Variants in MAST2 observed in about 807,000 individuals in gnomAD.
MAST2 encodes the protein microtubule-associated serine/threonine-protein kinase 2.
Under a neutral mutation model 147.4 loss-of-function variants are expected in MAST2, and 70 were observed. The ratio of observed to expected loss-of-function variants is 0.47; its 90% CI spans 0.39 to 0.58. The LOEUF (loss-of-function observed/expected upper bound fraction) is 0.58. Among genes scored for constraint, MAST2 ranks in the 20% least tolerant of loss-of-function variants. MAST2 has a pLI of 0.00. For synonymous variants in MAST2, 869 were observed against 896.8 expected (o/e 0.97, Z 0.55); for missense variants, 2,080 against 2,302.3 (o/e 0.90, Z 1.98).
At chr1:45,845,942 A>G (rs1380690018) in intron 3 of MAST2, among the ~76,000 whole-genome samples, 2 of 152,080 alleles carry the variant, frequency 1.3e-5, no homozygotes, top group African/African-American at 4.8e-5. Flanking sequence ...TTGCATTTTT[A>G]GTAGAGACGG....
At chr1:45,830,962 A>T (rs1437057859) in intron 3 of MAST2, among the ~76,000 whole-genome samples, 1 of 149,218 alleles carries the variant, frequency 6.7e-6, no homozygotes, top group Non-Finnish European at 1.5e-5. Flanking sequence ...CTTGAGCCTG[A>T]GCAGTTGAAG....
chr1:45,821,804 A>G (rs927514692), intron 1 of MAST2, among the ~76,000 whole-genome samples: 1 of 150,232 alleles, frequency 6.7e-6, no homozygotes, highest in Non-Finnish European at 1.5e-5. Flanking sequence ...GGCGTGAGCC[A>G]TGGTGCCCGG....
chr1:45,997,789 C>T lies in MAST2; in HGVS notation c.658C>T (p.Pro220Ser), dbSNP rs370689914. The change falls in exon 6 of 29, where the codon CCT (proline) becomes TCT (serine). Residue 220 changes from proline to serine, a missense_variant. By Grantham distance (74) the Pro-to-Ser change is moderately conservative. Transcript: ENST00000361297. Reference protein sequence around the residue: ...PNAPAHFSFVPARRTDGRRWS... With the variant: ...PNAPAHFSFVSARRTDGRRWS... Reference sequence around the variant, plus strand: ...TGCACCTGCTCACTTTTCTTTTGTTCCTGCCCGTAGGTAAGTTGATAGGAA... The same window carrying T: ...TGCACCTGCTCACTTTTCTTTTGTTTCTGCCCGTAGGTAAGTTGATAGGAA... The T allele has an allele frequency of 5.0e-6, 8 of 1,613,932 alleles. No homozygotes were observed. In the African/African-American group the frequency reaches 6.7e-5, roughly 13 times the overall value.
At chr1:45,881,150 A>G (rs1239348730) in intron 3 of MAST2, among the ~76,000 whole-genome samples, 2 of 152,200 alleles carry the variant, frequency 1.3e-5, no homozygotes. Context: ...AACTTTTTCT[A>G]CATGCGCACT....
chr1:46,013,834 T>G (rs1404428117), intron 10 of MAST2, among the ~76,000 whole-genome samples: 1 of 152,154 alleles, frequency 6.6e-6, no homozygotes, highest in Non-Finnish European at 1.5e-5. Flanking sequence ...AGACAGCAAT[T>G]CTTTTTCTTC....
intron 11 of MAST2, 59 bp downstream of exon 11, chr1:46,019,756 A>G (rs1431177139): frequency 2.1e-6 from 3 of 1,439,228 alleles, no homozygotes; most frequent in Non-Finnish European, 2.9e-6. Flanking sequence ...TAGAGGAAGT[A>G]TCCTGATGAC....
chr1:45,907,727 C>T (rs1179333379), intron 4 of MAST2, among the ~76,000 whole-genome samples: 1 of 152,212 alleles, frequency 6.6e-6, no homozygotes, highest in African/African-American at 2.4e-5. Context: ...CACCCTTCTT[C>T]CCTTACCCCA....
At chr1:45,899,310 T>C (rs1488098731) in intron 4 of MAST2, among the ~76,000 whole-genome samples, 4 of 146,468 alleles carry the variant, frequency 2.7e-5, no homozygotes, top group Non-Finnish European at 6.0e-5. Flanking sequence ...TTCTTTTCTT[T>C]TTTTTTTTTT....
intron 5 of MAST2, among the ~76,000 whole-genome samples, chr1:45,975,819 A>C (rs1433565616): frequency 6.6e-6 from 1 of 152,078 alleles, no homozygotes; most frequent in Admixed American, 6.6e-5. Flanking sequence ...TGAGGAGTCC[A>C]TGGCATGGAC....
chr1:45,914,355 A>G (rs1457852845), intron 4 of MAST2, among the ~76,000 whole-genome samples: 1 of 152,124 alleles, frequency 6.6e-6, no homozygotes, highest in African/African-American at 2.4e-5. Context: ...CCTCTATTTT[A>G]TTTCTATATT....
Position 46,032,340 on chromosome 1 carries a change from C to T in MAST2, c.3350C>T (p.Thr1117Ile). The T allele has an allele frequency of 3.1e-6, 5 of 1,614,252 alleles. No individual in the cohort carries two copies. Among genetic ancestry groups the T allele is most frequent in the Non-Finnish European group, 4.2e-6 (5 of 1,180,054 alleles). Residue 1117 changes from threonine (T) to isoleucine (I), a missense_variant, in exon 25 of 29, where the codon ACC becomes ATC. Physicochemically the swap from Thr to Ile is moderately conservative, Grantham distance 89. This residue lies in a region of MAST2 where 1,278 missense variants were observed against 1,304.2 expected (regional missense o/e 0.98). Coordinates refer to ENST00000361297, the MANE Select transcript of MAST2 (RefSeq NM_015112.3). ...CGAGCTGGCAAGAAGTATGGCTTCA[C>T]CCTGCGGGCCATTCGCGTCTACATG... ...IHRAGKKYGF[T>I]LRAIRVYMGD...
intron 3 of MAST2, among the ~76,000 whole-genome samples, chr1:45,843,108 C>A (rs1432201754): frequency 6.6e-6 from 1 of 151,986 alleles, no homozygotes; most frequent in African/African-American, 2.4e-5. Flanking sequence ...AATGTCTATA[C>A]AAGTCCTTTG....
intron 5 of MAST2, among the ~76,000 whole-genome samples, chr1:45,974,712 G>A (rs1644063856): frequency 6.6e-6 from 1 of 152,206 alleles, no homozygotes; most frequent in African/African-American, 2.4e-5. Flanking sequence ...AGTACACTAA[G>A]AAGTATGGTC....
chr1:45,988,649 CATTT>C (rs1016220660), intron 5 of MAST2, among the ~76,000 whole-genome samples: 4 of 152,232 alleles, frequency 2.6e-5, no homozygotes, highest in Admixed American at 1.3e-4. Flanking sequence ...CTGATCTTCC[CATTT>C]ATTTATTCAA....
intron 5 of MAST2, among the ~76,000 whole-genome samples, chr1:45,961,946 G>A (rs992530378): frequency 3.7e-5 from 5 of 134,678 alleles, no homozygotes; most frequent in Admixed American, 7.5e-5. Context: ...AACAGGCCCC[G>A]GTGTGTGATG....
chr1:45,824,629 A>G (rs1265104289), intron 2 of MAST2, 49 bp downstream of exon 2: 2 of 1,503,248 alleles, frequency 1.3e-6, no homozygotes, highest in Non-Finnish European at 8.9e-7. Context: ...CATGTGGTCA[A>G]TATTTAAGTG....
chr1:46,008,377 G>C lies in MAST2; in HGVS notation c.978+6G>C, dbSNP rs370587608. ...ACAAAGAAAGATTCCCAAAGGTAAG[G>C]ATCCATTTAAAAGGAGAGTGGCAAT... On this transcript the variant is annotated splice_donor_region_variant and intron_variant, in intron 9 of 28. Coordinates refer to ENST00000361297, the MANE Select transcript of MAST2 (RefSeq NM_015112.3). The C allele has an allele frequency of 5.0e-6, 8 of 1,606,880 alleles. No homozygotes were observed. The African/African-American group carries it at 1.1e-4, about 21-fold the overall frequency.
At position 45,981,286 on chromosome 1, in the gene MAST2, G is replaced by A. The variant is rs1207116428; in HGVS notation, c.593-16438G>A. On this transcript the variant is annotated intron_variant, in intron 5 of 28. Transcript: ENST00000361297. ...GGGATTTCACCATGTTGGCCCGTCT[G>A]GTCTCAAACTCCTGACCTCAGGTGA... 2.0e-5 allele frequency among the ~76,000 whole-genome samples: 3 copies of A among 152,058 alleles called. No individual in the cohort carries two copies. In the East Asian group the frequency reaches 5.8e-4, roughly 29 times the overall value.
Position 45,859,954 on chromosome 1 carries a change from T to C in MAST2, c.469-22410T>C, listed in dbSNP as rs1645920260. Among the ~76,000 whole-genome samples, 6 of 152,276 alleles carry C rather than the reference T, an allele frequency of 3.9e-5. No individual in the cohort carries two copies. The South Asian group carries it at 1.2e-3, about 32-fold the overall frequency. On this transcript the variant is annotated intron_variant, in intron 3 of 28. Coordinates refer to ENST00000361297, the MANE Select transcript of MAST2 (RefSeq NM_015112.3). Reference sequence around the variant, plus strand: ...GAATGTTCTAGTCGGAAGCATGGGTTCAAGTTTCTACTACACTGTTTCTGA... The same window carrying C: ...GAATGTTCTAGTCGGAAGCATGGGTCCAAGTTTCTACTACACTGTTTCTGA...
Sources: gnomAD v4.1 joint callset for allele counts (sites outside exome capture counted in the v4.1 genomes callset) on GRCh38, gnomAD v4.1.1 for gene constraint, gnomAD v4.1.1 regional missense constraint, MANE v1.5 for transcripts, NCBI Gene and HGNC (gene_info 2026-07-23, HGNC 2026-07-21) for gene names.